COL18A1: variants seen among roughly 807,000 people sequenced by gnomAD.
COL18A1 encodes collagen type XVIII alpha 1 chain, also known as collagen alpha-1(XVIII) chain.
COL18A1 carries 133 observed loss-of-function variants against 168.0 expected under a neutral mutation model. The ratio of observed to expected loss-of-function variants is 0.79; its 90% confidence interval spans 0.69 to 0.91. The LOEUF (loss-of-function observed/expected upper bound fraction) is 0.91, where lower values mean the gene tolerates loss of function less well. Ranked by LOEUF, COL18A1 falls within the 40% of genes least tolerant of loss-of-function variation. COL18A1 has a pLI of 0.00. For missense variants in COL18A1, 2,126 were observed against 1,925.4 expected, an observed-to-expected ratio of 1.10 and a Z score of -1.95; for synonymous variants, 949 against 809.0, an observed-to-expected ratio of 1.17 and a Z score of -2.94.
At chr21:45,472,267 A>G (rs1201860054) in intron 3 of COL18A1, among the ~76,000 whole-genome samples, 1 of 144,862 alleles carries the variant, frequency 6.9e-6, no homozygotes, top group Non-Finnish European at 1.5e-5. Context: ...TCTGTCGCCC[A>G]GGCTGGAGTG....
At position 45,498,336 on chromosome 21, in the gene COL18A1, CCCCTCTCACCGCCAGGGTT is replaced by C. The variant is rs773820201; in HGVS notation, c.2683+683_2683+701del. ...CACGGTCCCCTCTCGCCGCCAGGGT[CCCCTCTCACCGCCAGGGTT>C]CCCTCTCGCCACCACGGTCCCCTCT... On this transcript the variant is annotated intron_variant, in intron 32 of 41. Coordinates refer to ENST00000651438, the MANE Select transcript of COL18A1 (RefSeq NM_001379500.1). This position sits in a 1 kb window ranked among gnomAD's most constrained non-coding sequence, Gnocchi z 4.5. 0.018 allele frequency: 12,034 copies of C among 653,752 alleles called. 454 individuals are homozygous for C. The highest frequency in any genetic ancestry group is 0.096 in the East Asian group (3,484 of 36,278). 40.5% of individuals were successfully genotyped at this position (653,752 alleles called of 1,614,324 possible). A position where few individuals can be genotyped will look rare whatever the true frequency, so the allele number is the denominator to read the frequency against.
chr21:45,447,858 C>T (rs997725257), intron 2 of COL18A1, among the ~76,000 whole-genome samples: 4 of 152,126 alleles, frequency 2.6e-5, no homozygotes, highest in Non-Finnish European at 5.9e-5. Context: ...CAGGAGATGT[C>T]GGTGAGCCTC....
Position 45,487,429 on chromosome 21 carries a change from C to T in COL18A1, c.1834-18C>T. 1 of 1,612,288 alleles carries T rather than the reference C, an allele frequency of 6.2e-7. No homozygotes were observed. The highest frequency in any genetic ancestry group is 8.5e-7 in the Non-Finnish European group (1 of 1,179,890). The stretch of plus-strand genomic sequence containing the variant: ...AGAAGGGACACAGGCCCCTACGTGT[C>T]TCGTGTGTCTCTTCCAGGATGACAT... On this transcript the variant is annotated intron_variant, in intron 16 of 41. Transcript: ENST00000651438.
chr21:45,506,538 G>A, intron 37 of COL18A1: 1 of 200,644 alleles, frequency 5.0e-6, no homozygotes, highest in Non-Finnish European at 1.0e-5. Flanking sequence ...TGGCAGGAGT[G>A]GCCGCTCTGA....
At chr21:45,475,085 G>A (rs2035598897) in intron 4 of COL18A1, among the ~76,000 whole-genome samples, 1 of 152,198 alleles carries the variant, frequency 6.6e-6, no homozygotes, top group African/African-American at 2.4e-5. Context: ...AGCCGCCTTG[G>A]CGCGTGTTCG....
intron 32 of COL18A1, among the ~76,000 whole-genome samples, chr21:45,502,287 G>A (rs559787978): frequency 1.1e-4 from 16 of 152,312 alleles, no homozygotes; most frequent in South Asian, 1.0e-3. Context: ...TCCCCACCCC[G>A]GTCACGGTTT....
At chr21:45,481,904 C>T in intron 13 of COL18A1, 59 bp from the exon 14 acceptor site, 1 of 1,248,852 alleles carries the variant, frequency 8.0e-7, no homozygotes. Flanking sequence ...CCTGTTAACC[C>T]AGAAATCGTT....
chr21:45,429,949 C>T (rs1340675233), intron 2 of COL18A1, among the ~76,000 whole-genome samples: 3 of 151,376 alleles, frequency 2.0e-5, no homozygotes, highest in African/African-American at 2.4e-5. Context: ...TTGGGGACCC[C>T]CCGTCTCCCT....
rs865928182 is a variant in COL18A1, at chr21:45,490,181, C to T, written c.1960-94C>T. 9.3e-4 allele frequency: 955 copies of T among 1,030,548 alleles called. 3 individuals are homozygous for T. The Middle Eastern group carries it at 0.011, about 12-fold the overall frequency. 63.8% of individuals were successfully genotyped at this position (1,030,548 alleles called of 1,614,324 possible). On this transcript the variant is annotated intron_variant, in intron 19 of 41. Coordinates refer to ENST00000651438, the MANE Select transcript of COL18A1 (RefSeq NM_001379500.1). Reference sequence around the variant, plus strand: ...GGTGAGAGAGAGAAGTCCAGGCCATCGCCACGTCCACGGGTGCCCCGGACT... The same window carrying T: ...GGTGAGAGAGAGAAGTCCAGGCCATTGCCACGTCCACGGGTGCCCCGGACT...
rs772998270 is a variant in COL18A1 at position 45,482,294 on chromosome 21, TCCACGTTGGTTACGGGGCAGTGG to T, written c.1674+273_1674+295del. ...GAGATCTGAGATCTTACTCCAAGCT[TCCACGTTGGTTACGGGGCAGTGG>T]CCATGAGCCTCTGTCGGACTGACGC... On this transcript the variant is annotated intron_variant, in intron 14 of 41. Transcript: ENST00000651438. 7.5e-6 allele frequency: 5 copies of T among 663,740 alleles called. No individual in the cohort carries two copies. The Admixed American group carries it at 1.1e-4, about 15-fold the overall frequency. 41.1% of individuals were successfully genotyped at this position (663,740 alleles called of 1,614,324 possible). A position where few individuals can be genotyped will look rare whatever the true frequency, so the allele number is the denominator to read the frequency against.
Position 45,509,598 on chromosome 21 carries a change from G to C in COL18A1, c.3492G>C (p.Pro1164=). The stretch of plus-strand genomic sequence containing the variant: ...CCCACAGCCACCGCGACTTCCAGCC[G>C]GTGGTGAGTGCCCCCCCAAAGTGGG... The part of the protein sequence containing the change: ...PPAHSHRDFQ[P]VLHLVALNSP... Residue 1164 remains proline (P), a synonymous_variant, in exon 39 of 42, where the codon CCG becomes CCC. Coordinates refer to ENST00000651438, the MANE Select transcript of COL18A1 (RefSeq NM_001379500.1). 1 of 1,460,608 alleles carries C rather than the reference G, an allele frequency of 6.8e-7. No homozygotes were observed. Among genetic ancestry groups the C allele is most frequent in the African/African-American group, 1.7e-5 (1 of 59,714 alleles). The allele number at this position is 1,460,608 out of a possible 1,614,324, so 90.5% of individuals were successfully genotyped here. A position where few individuals can be genotyped will look rare whatever the true frequency, so the allele number is the denominator to read the frequency against.
intron 40 of COL18A1, 78 bp downstream of exon 40, chr21:45,510,339 C>T: frequency 6.8e-7 from 1 of 1,465,714 alleles, no homozygotes; most frequent in Non-Finnish European, 9.3e-7. Context: ...GCGGGGAGCT[C>T]CCCTCTAGGG....
intron 2 of COL18A1, among the ~76,000 whole-genome samples, chr21:45,441,358 G>T (rs1484303111): frequency 6.6e-6 from 1 of 152,218 alleles, no homozygotes; most frequent in Non-Finnish European, 1.5e-5. Context: ...ACTGTCCCCA[G>T]AAGATGAGGG....
Position 45,443,096 on chromosome 21 carries a change from G to GGGT in COL18A1, c.107-25144_107-25143insTGG, listed in dbSNP as rs1569292147. Among the ~76,000 whole-genome samples the GGGT allele has an allele frequency of 5.7e-5, 4 of 70,294 alleles. No individual in the cohort carries two copies. The highest frequency in any genetic ancestry group is 1.6e-4 in the Admixed American group (1 of 6,252). 46.1% of individuals were successfully genotyped at this position (70,294 alleles called of 152,430 possible). ...GTGTGGGTGGTGGTGGTGCTGATGT[G>GGGT]GGCGGCGGTGCTGGTGTGGGCGGCG... On this transcript the variant is annotated intron_variant, in intron 2 of 41. Coordinates refer to ENST00000651438, the MANE Select transcript of COL18A1 (RefSeq NM_001379500.1). The surrounding 1 kb of genome is among the most constrained non-coding windows in gnomAD (Gnocchi z 5.2).
chr21:45,468,185 G>C, intron 2 of COL18A1, 57 bp from the exon 3 acceptor site: 1 of 1,595,416 alleles, frequency 6.3e-7, no homozygotes, highest in South Asian at 1.1e-5. Context: ...AGGCCGCGTC[G>C]GTGGCCCCTG....
At chr21:45,454,181 G>A (rs949246992) in intron 2 of COL18A1, among the ~76,000 whole-genome samples, 1 of 152,136 alleles carries the variant, frequency 6.6e-6, no homozygotes, top group African/African-American at 2.4e-5. Flanking sequence ...GAATGCCTGC[G>A]CCTGCCCTCG....
Position 45,512,729 on chromosome 21 carries a change from CT to C in COL18A1, c.*334del. 1 of 419,196 alleles carries C rather than the reference CT, an allele frequency of 2.4e-6. No individual in the cohort carries two copies. The highest frequency in any genetic ancestry group is 4.4e-6 in the Non-Finnish European group (1 of 225,216). 26.0% of individuals were successfully genotyped at this position (419,196 alleles called of 1,614,324 possible). ...GGCTCGATTTCTCCAGGATTTCCTG[CT>C]TTGGGAAGCCGTGCTCGCCCCAGCA... is the stretch of plus-strand genomic sequence containing the variant. On this transcript the variant is annotated 3_prime_UTR_variant, in exon 42 of 42. Transcript: ENST00000651438.
At chr21:45,439,366 T>A (rs978631756) in intron 2 of COL18A1, among the ~76,000 whole-genome samples, 2 of 152,180 alleles carry the variant, frequency 1.3e-5, no homozygotes, top group Non-Finnish European at 2.9e-5. Flanking sequence ...AGAGGCCGTG[T>A]GGATGCCGGG....
intron 14 of COL18A1, chr21:45,482,265 C>A: frequency 1.6e-6 from 1 of 636,114 alleles, no homozygotes. Context: ...CATGGGCACC[C>A]TGCGAGATCT....
Sources: allele counts gnomAD v4.1 joint callset (sites outside exome capture counted in the v4.1 genomes callset), GRCh38; gene constraint gnomAD v4.1.1; non-coding constraint Gnocchi (gnomAD v3.1); transcripts MANE v1.5; gene names NCBI Gene and HGNC (gene_info 2026-07-23, HGNC 2026-07-21).